The following ARHGAP10 variants were observed in gnomAD, a reference collection of about 807,000 sequenced individuals.
The protein encoded by ARHGAP10 is Rho GTPase activating protein 10.
In ARHGAP10, 87 loss-of-function variants were observed where a neutral mutation model predicts 108.6. The ratio of observed to expected loss-of-function variants is 0.80; its 90% CI spans 0.67 to 0.96. The LOEUF (loss-of-function observed/expected upper bound fraction) is 0.96. ARHGAP10 is among the 40% of genes least tolerant of loss of function. ARHGAP10 has a pLI of 0.00. For synonymous variants in ARHGAP10, 347 were observed against 341.1 expected, an observed-to-expected ratio of 1.02 and a Z score of -0.19; for missense variants, 939 against 954.5, an observed-to-expected ratio of 0.98 and a Z score of 0.21.
chr4:147,859,979 A>C (rs1469867), intron 5 of ARHGAP10, among the ~76,000 whole-genome samples: 105,534 of 152,184 alleles, frequency 0.69, 43,184 homozygotes, highest in Non-Finnish European at 0.89. Flanking sequence ...ATGCTTTTTA[A>C]AGGGGAAAAT....
At chr4:148,065,587 T>C (rs1288886590) in intron 22 of ARHGAP10, 2 of 152,196 alleles carry the variant, frequency 1.3e-5, no homozygotes, top group African/African-American at 4.8e-5. Flanking sequence ...GCCAAGAGAA[T>C]GTGGAACGTA....
chr4:147,806,803 G>A (rs1016454178), intron 1 of ARHGAP10, among the ~76,000 whole-genome samples: 1 of 152,080 alleles, frequency 6.6e-6, no homozygotes, highest in African/African-American at 2.4e-5. Context: ...TTGGCCTTAA[G>A]TGATCCTCCT....
At chr4:148,024,571 T>A (rs1741694011) in intron 19 of ARHGAP10, among the ~76,000 whole-genome samples, 1 of 152,258 alleles carries the variant, frequency 6.6e-6, no homozygotes, top group African/African-American at 2.4e-5. Flanking sequence ...TGTGGGATTC[T>A]TTTATATTGC....
intron 20 of ARHGAP10, among the ~76,000 whole-genome samples, chr4:148,049,795 G>GTTTTTTTT (rs150272022): frequency 1.5e-5 from 2 of 132,564 alleles, no homozygotes; most frequent in Admixed American, 8.3e-5. Context: ...TCATAAAATT[G>GTTTTTTTT]TTTTTTTTGT....
At chr4:147,894,370 G>A (rs574284814) in intron 10 of ARHGAP10, among the ~76,000 whole-genome samples, 1 of 152,212 alleles carries the variant, frequency 6.6e-6, no homozygotes, top group African/African-American at 2.4e-5. Flanking sequence ...GTCATGAAGT[G>A]TCTATTAAAA....
chr4:147,844,098 A>G (rs529772738), intron 3 of ARHGAP10, among the ~76,000 whole-genome samples: 2 of 152,330 alleles, frequency 1.3e-5, no homozygotes, highest in East Asian at 1.9e-4. Flanking sequence ...GGGATTTAAC[A>G]TGAGCCCTTA....
In ARHGAP10 at chr4:147,966,686, A is replaced by G; in HGVS notation, c.1563A>G (p.Ser521=). ...DILVKHLTNV[S]NHSKQNLMTV... ...CCCCCCTTACCAATTTCAGTGTTTC[A>G]AATCACTCCAAGCAGAACCTGATGA... The change falls in exon 18 of 23, where the codon TCA becomes TCG. Residue 521 remains serine (S), a synonymous_variant. Transcript: ENST00000336498. The G allele has an allele frequency of 1.3e-6, 2 of 1,561,246 alleles. No homozygotes were observed. Among genetic ancestry groups the G allele is most frequent in the Non-Finnish European group, 1.7e-6 (2 of 1,148,522 alleles).
At chr4:148,009,182 G>C (rs1741075117) in intron 18 of ARHGAP10, among the ~76,000 whole-genome samples, 1 of 151,122 alleles carries the variant, frequency 6.6e-6, no homozygotes, top group Non-Finnish European at 1.5e-5. Context: ...CTCAGCTGGA[G>C]TGCAGTGGTG....
In ARHGAP10 at chr4:148,032,946, C is replaced by G. The variant is rs574735867; in HGVS notation, c.1867+9533C>G. On this transcript the variant is annotated intron_variant, in intron 19 of 22. Coordinates refer to ENST00000336498, the MANE Select transcript of ARHGAP10 (RefSeq NM_024605.4). ...TTCTGCCTGCTTTATTCCAGCTGCTCTGGCAGCTGATTAGGTGTTAATCTC... is the reference window on the plus strand; with the variant it reads ...TTCTGCCTGCTTTATTCCAGCTGCTGTGGCAGCTGATTAGGTGTTAATCTC... 2.6e-5 allele frequency among the ~76,000 whole-genome samples: 4 copies of G among 152,294 alleles called. No homozygotes were observed. The East Asian group carries it at 5.8e-4, about 22-fold the overall frequency.
chr4:147,939,836 C>G lies in ARHGAP10; in HGVS notation c.1240C>G (p.Gln414Glu). The G allele has an allele frequency of 6.2e-7, 1 of 1,613,842 alleles. No homozygotes were observed. The highest frequency in any genetic ancestry group is 8.5e-7 in the Non-Finnish European group (1 of 1,179,848). The part of the protein sequence containing the change: ...SAVETRGIND[Q>E]GLYRVVGVSS... ...GTTTCTTCCCATAGGTATAAATGAC[C>G]AAGGATTGTACAGAGTTGTGGGGGT... The change falls in exon 14 of 23, where the codon CAA becomes GAA. Residue 414 changes from glutamine (Q) to glutamate (E), a missense_variant. Gln to Glu is a conservative substitution (Grantham distance 29). Transcript: ENST00000336498.
At chr4:147,878,881 A>G (rs568557942) in intron 8 of ARHGAP10, among the ~76,000 whole-genome samples, 14 of 144,620 alleles carry the variant, frequency 9.7e-5, no homozygotes, top group African/African-American at 2.6e-4. Flanking sequence ...GGTTCACACC[A>G]TTCTCCTGCC....
intron 18 of ARHGAP10, among the ~76,000 whole-genome samples, chr4:147,984,584 GTTCTGTGGTTATAAATAGCAT>G (rs757116237): frequency 3.9e-5 from 6 of 152,218 alleles, no homozygotes; most frequent in Non-Finnish European, 5.9e-5. Flanking sequence ...GTCTGTTTGA[GTTCTGTGGTTATAAATAGCAT>G]TTCTGTGGTG....
intron 18 of ARHGAP10, among the ~76,000 whole-genome samples, chr4:148,021,579 T>C (rs1306515161): frequency 6.6e-6 from 1 of 152,188 alleles, no homozygotes; most frequent in Non-Finnish European, 1.5e-5. Flanking sequence ...ATTTTTTTTA[T>C]TTTTCCAGTG....
intron 13 of ARHGAP10, among the ~76,000 whole-genome samples, chr4:147,924,333 A>T (rs1737367061): frequency 6.6e-6 from 1 of 151,196 alleles, no homozygotes; most frequent in Non-Finnish European, 1.5e-5. Context: ...TTGTCCAGTG[A>T]CTGTTTTTTT....
intron 7 of ARHGAP10, among the ~76,000 whole-genome samples, chr4:147,870,479 C>G (rs1466278286): frequency 1.3e-5 from 2 of 151,624 alleles, no homozygotes; most frequent in Non-Finnish European, 2.9e-5. Flanking sequence ...ACTTTATAAT[C>G]AGAAAAAGGT....
At chr4:148,018,874 GTTTAA>G (rs1741453736) in intron 18 of ARHGAP10, among the ~76,000 whole-genome samples, 1 of 152,146 alleles carries the variant, frequency 6.6e-6, no homozygotes, top group Non-Finnish European at 1.5e-5. Context: ...TGTGCTAATT[GTTTAA>G]TTTTTGAGCT....
chr4:147,756,547 A>G (rs569443208), intron 1 of ARHGAP10, among the ~76,000 whole-genome samples: 3 of 152,186 alleles, frequency 2.0e-5, no homozygotes, highest in Non-Finnish European at 4.4e-5. Context: ...GAAATAATTC[A>G]TGAGTTTTAA....
chr4:147,793,793 C>T (rs1315477848), intron 1 of ARHGAP10, among the ~76,000 whole-genome samples: 3 of 152,182 alleles, frequency 2.0e-5, no homozygotes, highest in Non-Finnish European at 2.9e-5. Context: ...TCCCCCTTAA[C>T]AGTAAGCTTC....
intron 10 of ARHGAP10, among the ~76,000 whole-genome samples, chr4:147,886,518 A>T (rs77521627): frequency 1.6e-4 from 24 of 152,270 alleles, no homozygotes; most frequent in African/African-American, 5.5e-4. Context: ...TTCGTCGTGC[A>T]CTCACTTTCT....
Sources: gnomAD v4.1 joint callset for allele counts (sites outside exome capture counted in the v4.1 genomes callset) on GRCh38, gnomAD v4.1.1 for gene constraint, MANE v1.5 for transcripts, NCBI Gene and HGNC (gene_info 2026-07-23, HGNC 2026-07-21) for gene names.